The following MEGF6 variants were observed in gnomAD, a reference collection of about 807,000 sequenced individuals.
MEGF6 encodes the protein multiple EGF like domains 6.
Under a neutral mutation model 207.1 loss-of-function variants are expected in MEGF6, and 184 were observed. That is an observed-to-expected ratio of 0.89 (90% CI 0.79 to 1.00). The LOEUF is 1.00. Among genes scored for constraint, MEGF6 ranks in the 50% least tolerant of loss-of-function variants. The pLI is 0.00. For missense variants in MEGF6, 2,282 were observed against 2,202.9 expected (o/e 1.04, Z -0.72); for synonymous variants, 1,038 against 910.0 (o/e 1.14, Z -2.53).
intron 17 of MEGF6, 95 bp downstream of exon 17, chr1:3,505,113 A>G: frequency 6.7e-7 from 1 of 1,503,230 alleles, no homozygotes; most frequent in Non-Finnish European, 8.9e-7. Flanking sequence ...CGATAGTGAC[A>G]GCTGTGCAGC....
At chr1:3,491,740 T>G (rs543292330) in intron 35 of MEGF6, among the ~76,000 whole-genome samples, 1 of 138,302 alleles carries the variant, frequency 7.2e-6, no homozygotes, top group Non-Finnish European at 1.6e-5. Flanking sequence ...GAGACAACCT[T>G]TCCCAACACC....
intron 17 of MEGF6, among the ~76,000 whole-genome samples, chr1:3,504,527 C>G (rs1279612006): frequency 1.3e-5 from 2 of 151,996 alleles, no homozygotes; most frequent in Non-Finnish European, 2.9e-5. Flanking sequence ...GCCAGGACAC[C>G]CCCACCTTCC....
chr1:3,578,265 C>A (rs554398637), intron 4 of MEGF6, among the ~76,000 whole-genome samples: 1 of 152,350 alleles, frequency 6.6e-6, no homozygotes, highest in Middle Eastern at 3.4e-3. Flanking sequence ...GGTATTTCCG[C>A]GTGAAACCAA....
intron 1 of MEGF6, among the ~76,000 whole-genome samples, chr1:3,605,496 A>G (rs59109036): frequency 0.057 from 7,532 of 132,630 alleles, 342 homozygotes; most frequent in South Asian, 0.14. Flanking sequence ...TTACACACAT[A>G]CACACACAAT....
At chr1:3,597,196 C>A (rs1261966623) in intron 2 of MEGF6, among the ~76,000 whole-genome samples, 3 of 152,212 alleles carry the variant, frequency 2.0e-5, no homozygotes, top group Admixed American at 6.5e-5. Flanking sequence ...ACACGGATGC[C>A]TACTCCTCTG....
rs1640742474 is a variant in MEGF6, at chr1:3,499,164, C to CCAGGGGCACAGTGGCACTGCCCGTGGA, written c.3041_3067dup (p.Val1014_Pro1022dup). The CCAGGGGCACAGTGGCACTGCCCGTGGA allele has an allele frequency of 2.5e-6, 4 of 1,604,192 alleles. No individual in the cohort carries two copies. The African/African-American group carries it at 4.0e-5, about 16-fold the overall frequency. ...CTGCAGGCAGGAGGGCCCCATCCAG[C>CCAGGGGCACAGTGGCACTGCCCGTGGA]CAGGGGCACAGTGGCACTGCCCGTG... is the stretch of plus-strand genomic sequence containing the variant. On this transcript the variant is annotated inframe_insertion, in exon 24 of 37. Transcript: ENST00000356575.
intron 4 of MEGF6, among the ~76,000 whole-genome samples, chr1:3,529,501 G>C (rs552427597): frequency 6.6e-6 from 1 of 152,244 alleles, no homozygotes; most frequent in African/African-American, 2.4e-5. Context: ...TCAGAGAGCG[G>C]CTATTTTAAG....
At chr1:3,536,077 G>A (rs920214009) in intron 4 of MEGF6, among the ~76,000 whole-genome samples, 12 of 152,042 alleles carry the variant, frequency 7.9e-5, no homozygotes, top group South Asian at 6.2e-4. Flanking sequence ...TGGTGGCCTC[G>A]GCTTCCCTGA....
At position 3,505,344 on chromosome 1, in the gene MEGF6, T is replaced by C. The variant is rs779323621; in HGVS notation, c.2054-2A>G. ...GCCCAAAGTAGCCCAGCTCACACTC[T>C]GCAGGGCGTGAGAGAGGGGTGGGTG... On this transcript the variant is annotated splice_acceptor_variant, in intron 16 of 36. Coordinates refer to ENST00000356575, the MANE Select transcript of MEGF6 (RefSeq NM_001409.4). LOFTEE classifies it high-confidence loss of function. 2 of 1,609,680 alleles carry C rather than the reference T, an allele frequency of 1.2e-6. No individual in the cohort carries two copies. The highest frequency in any genetic ancestry group is 2.2e-5 in the East Asian group (1 of 44,774).
At chr1:3,507,671 T>C in intron 14 of MEGF6, 124 bp downstream of exon 14, 1 of 1,303,058 alleles carries the variant, frequency 7.7e-7, no homozygotes. Flanking sequence ...CTAGGAAAAG[T>C]TTGGTAGCAG....
rs528389506 is a variant in MEGF6 at position 3,507,914 on chromosome 1, G to A, written c.1670C>T (p.Pro557Leu). Reference sequence around the variant, plus strand: ...GCTGCAGTTCTTCCCAAAGGTGTCCGGAGGACAAGCTACAAAGAATGACAG... The same window carrying A: ...GCTGCAGTTCTTCCCAAAGGTGTCCAGAGGACAAGCTACAAAGAATGACAG... ...TGLICNETCPPDTFGKNCSFS... is the reference protein window; with the variant it reads ...TGLICNETCPLDTFGKNCSFS... Residue 557 changes from proline (P) to leucine (L), a missense_variant, in exon 14 of 37, where the codon CCG becomes CTG. Pro to Leu is a moderately conservative substitution (Grantham distance 98). Transcript: ENST00000356575. 8.7e-6 allele frequency: 14 copies of A among 1,611,454 alleles called. No individual in the cohort carries two copies. The highest frequency in any genetic ancestry group is 5.3e-5 in the African/African-American group (4 of 75,040).
the MEGF6 span, among the ~76,000 whole-genome samples, chr1:3,618,090 C>A: frequency 3.3e-5 from 5 of 152,158 alleles, no homozygotes; most frequent in Non-Finnish European, 7.4e-5. The surrounding 1 kb of genome is among the most constrained non-coding windows in gnomAD (Gnocchi z 4.7). Context: ...CACCTACACA[C>A]AGGAATAGAC....
At chr1:3,615,272 C>T (rs188448307), upstream of MEGF6, among the ~76,000 whole-genome samples, 680 of 152,306 alleles carry the variant, frequency 4.5e-3, 5 homozygotes, top group African/African-American at 0.016. Context: ...TTCTGACCCC[C>T]CAAGGAGGCA....
chr1:3,569,281 C>T (rs991340998), intron 4 of MEGF6, among the ~76,000 whole-genome samples: 1 of 152,388 alleles, frequency 6.6e-6, no homozygotes, highest in Non-Finnish European at 1.5e-5. Context: ...CACCACCCCG[C>T]CGCCCCTCAG....
rs75917126 is a variant in MEGF6 at position 3,555,117 on chromosome 1, G to A, written c.481+24708C>T. ...GGATCCCACCAGGCCAACACCCCACGCACGGGGCCTGCTGGCCGGAGAGAA... is the reference window on the plus strand; with the variant it reads ...GGATCCCACCAGGCCAACACCCCACACACGGGGCCTGCTGGCCGGAGAGAA... On this transcript the variant is annotated intron_variant, in intron 4 of 36. Coordinates refer to ENST00000356575, the MANE Select transcript of MEGF6 (RefSeq NM_001409.4). Among the ~76,000 whole-genome samples the A allele has an allele frequency of 3.4e-3, 515 of 152,306 alleles. 1 individual carries two copies. Among genetic ancestry groups the A allele is most frequent in the African/African-American group, 0.011 (456 of 41,564 alleles).
chr1:3,518,966 G>A (rs1198365908), intron 5 of MEGF6, among the ~76,000 whole-genome samples: 2 of 152,326 alleles, frequency 1.3e-5, no homozygotes, highest in East Asian at 1.9e-4. Flanking sequence ...CAGCCTGTGA[G>A]AGCAGCTGTC....
intron 4 of MEGF6, among the ~76,000 whole-genome samples, chr1:3,544,204 C>T (rs548019738): frequency 2.0e-5 from 3 of 150,712 alleles, no homozygotes; most frequent in African/African-American, 7.4e-5. Flanking sequence ...CTCCCCCCAG[C>T]GTCGCAGCGG....
chr1:3,493,872 C>T lies in MEGF6; in HGVS notation c.4286G>A (p.Gly1429Asp). The T allele has an allele frequency of 1.3e-6, 2 of 1,594,674 alleles. No homozygotes were observed. Among genetic ancestry groups the T allele is most frequent in the Non-Finnish European group, 1.7e-6 (2 of 1,171,244 alleles). Residue 1429 changes from glycine (G) to aspartate (D), a missense_variant, in exon 34 of 37, where the codon GGC becomes GAC. Gly to Asp is a moderately conservative substitution (Grantham distance 94, BLOSUM62 -1). Coordinates refer to ENST00000356575, the MANE Select transcript of MEGF6 (RefSeq NM_001409.4). ...RGCEPGSFGEGCHQRCDCDGG... is the reference protein window; with the variant it reads ...RGCEPGSFGEDCHQRCDCDGG... ...GTCACAGTCACAGCGCTGGTGGCAG[C>T]CCTCTCCAAATGAACCTGGCTCACA...
At chr1:3,539,181 GC>G (rs1330096630) in intron 4 of MEGF6, among the ~76,000 whole-genome samples, 2 of 152,070 alleles carry the variant, frequency 1.3e-5, no homozygotes, top group Non-Finnish European at 2.9e-5. Flanking sequence ...TGGGGAGGCG[GC>G]CCAGGGCACC....
Sources: gnomAD v4.1 joint callset for allele counts (sites outside exome capture counted in the v4.1 genomes callset) on GRCh38, gnomAD v4.1.1 for gene constraint, Gnocchi (gnomAD v3.1) non-coding constraint, MANE v1.5 for transcripts, NCBI Gene and HGNC (gene_info 2026-07-23, HGNC 2026-07-21) for gene names.